The following NHSL1 variants were observed in gnomAD, a reference collection of about 807,000 sequenced individuals.
The protein encoded by NHSL1 is NHS-like protein 1.
Under a neutral mutation model 95.0 loss-of-function variants are expected in NHSL1, and 48 were observed. That is an observed-to-expected ratio of 0.51 (90% CI 0.40 to 0.64). The LOEUF is 0.64. NHSL1 is among the 30% of genes least tolerant of loss of function. NHSL1 has a pLI of 0.00. For missense variants in NHSL1, 1,971 were observed against 2,077.7 expected (o/e 0.95, Z 1.00); for synonymous variants, 783 against 833.9 (o/e 0.94, Z 1.05).
chr6:138,472,554 T>C (rs1310452669), intron 3 of NHSL1, among the ~76,000 whole-genome samples: 2 of 152,242 alleles, frequency 1.3e-5, no homozygotes, highest in African/African-American at 4.8e-5. Context: ...TTTTAATTAA[T>C]TAAAAATGGT....
At position 138,495,926 on chromosome 6, in the gene NHSL1, T is replaced by A. The variant is rs570303866; in HGVS notation, c.211+293A>T. ...AAACCATCAGATTTCATGAGACTCA[T>A]TCACTATCATGAGAACAGTATGGGG... On this transcript the variant is annotated intron_variant, in intron 2 of 7. Coordinates refer to ENST00000343505, the MANE Select transcript of NHSL1 (RefSeq NM_001144060.2). Among the ~76,000 whole-genome samples, 295 of 152,198 alleles carry A rather than the reference T, an allele frequency of 1.9e-3. 2 individuals carry two copies. The highest frequency in any genetic ancestry group is 6.8e-3 in the African/African-American group (284 of 41,518).
chr6:138,549,243 C>T (rs1167802881), upstream of NHSL1, among the ~76,000 whole-genome samples: 2 of 152,126 alleles, frequency 1.3e-5, no homozygotes, highest in Non-Finnish European at 2.9e-5. Flanking sequence ...ATTAGCCAGG[C>T]GTAGTGGCGC....
At chr6:138,514,986 T>TAA (rs879673413) in intron 1 of NHSL1, among the ~76,000 whole-genome samples, 3 of 144,500 alleles carry the variant, frequency 2.1e-5, no homozygotes, top group African/African-American at 7.6e-5. Flanking sequence ...GACGTAAGAT[T>TAA]AAAAAAAAAA....
At chr6:138,569,216 A>G (rs1783729154) in intron 1 of NHSL1, among the ~76,000 whole-genome samples, 1 of 151,918 alleles carries the variant, frequency 6.6e-6, no homozygotes, top group Non-Finnish European at 1.5e-5. Context: ...CCCTACATCT[A>G]GCTGTCACTG....
At chr6:138,516,714 A>C (rs898614500) in intron 1 of NHSL1, among the ~76,000 whole-genome samples, 1 of 152,080 alleles carries the variant, frequency 6.6e-6, no homozygotes, top group Non-Finnish European at 1.5e-5. Context: ...GGCTCATTGC[A>C]ACCCCTACCT....
At chr6:138,533,908 C>G (rs1023594757) in intron 1 of NHSL1, among the ~76,000 whole-genome samples, 4 of 152,140 alleles carry the variant, frequency 2.6e-5, no homozygotes, top group Admixed American at 2.0e-4. Context: ...CCAGTCACCA[C>G]GAAGCTGAGA....
intron 1 of NHSL1, among the ~76,000 whole-genome samples, chr6:138,680,348 T>G (rs911341873): frequency 2.0e-5 from 3 of 152,126 alleles, no homozygotes; most frequent in African/African-American, 7.2e-5. Flanking sequence ...CGCAGTCAGG[T>G]TGTTAAAACC....
upstream of NHSL1, among the ~76,000 whole-genome samples, chr6:138,576,238 C>T (rs1401625513): frequency 2.6e-5 from 4 of 152,096 alleles, no homozygotes; most frequent in African/African-American, 7.2e-5. Context: ...GTGATCTGCC[C>T]GCCTCAGCCT....
chr6:138,517,316 T>C (rs1281866630), intron 1 of NHSL1, among the ~76,000 whole-genome samples: 1 of 152,228 alleles, frequency 6.6e-6, no homozygotes, highest in Admixed American at 6.5e-5. Context: ...CAGACTGATT[T>C]TTTTCTACAA....
intron 1 of NHSL1, among the ~76,000 whole-genome samples, chr6:138,687,468 AG>A (rs1785601119): frequency 6.6e-6 from 1 of 152,216 alleles, no homozygotes. Context: ...AATACTCCTC[AG>A]AACTATGAGC....
rs562543520 is a variant in NHSL1, at chr6:138,452,586, T to C, written c.340-5393A>G. 8.5e-4 allele frequency among the ~76,000 whole-genome samples: 130 copies of C among 152,358 alleles called. 2 individuals carry two copies. The South Asian group carries it at 0.011, about 13-fold the overall frequency. On this transcript the variant is annotated intron_variant, in intron 3 of 7. Transcript: ENST00000343505. ...AACATATCAACTATACAGAACTATA[T>C]AGTTGATGTCTTTAAGAAGACAGCC... is the stretch of plus-strand genomic sequence containing the variant.
intron 1 of NHSL1, among the ~76,000 whole-genome samples, chr6:138,508,125 T>C (rs557575732): frequency 6.6e-6 from 1 of 152,310 alleles, no homozygotes; most frequent in East Asian, 1.9e-4. Context: ...AATATTCATG[T>C]GACAAATGTT....
rs1212870839 is a variant in NHSL1, at chr6:138,432,028, T to C, written c.2317A>G (p.Lys773Glu). ...TPSQSDTSSVKSEYTDPWGYY... is the reference protein window; with the variant it reads ...TPSQSDTSSVESEYTDPWGYY... ...CCCCAGGGGTCCGTGTACTCTGACTTGACGCTGCTTGTGTCACTCTGCGAT... is the reference window on the plus strand; with the variant it reads ...CCCCAGGGGTCCGTGTACTCTGACTCGACGCTGCTTGTGTCACTCTGCGAT... The change falls in exon 6 of 8, where the codon AAG becomes GAG. Residue 773 changes from lysine (K) to glutamate (E), a missense_variant. Transcript: ENST00000343505. This position sits in a 1 kb window ranked among gnomAD's most constrained non-coding sequence, Gnocchi z 4.4. The C allele has an allele frequency of 6.4e-7, 1 of 1,551,630 alleles. No homozygotes were observed. The highest frequency in any genetic ancestry group is 8.7e-7 in the Non-Finnish European group (1 of 1,147,008).
chr6:138,431,936 G>C lies in NHSL1; in HGVS notation c.2409C>G (p.Ser803Arg). 1 of 1,551,728 alleles carries C rather than the reference G, an allele frequency of 6.4e-7. No homozygotes were observed. Among genetic ancestry groups the C allele is most frequent in the Admixed American group, 2.0e-5 (1 of 51,014 alleles). Residue 803 changes from serine (S) to arginine (R), a missense_variant, in exon 6 of 8, where the codon AGC (serine) becomes AGG (arginine). Ser to Arg is a moderately radical substitution (Grantham distance 110). Coordinates refer to ENST00000343505, the MANE Select transcript of NHSL1 (RefSeq NM_001144060.2). The surrounding 1 kb of genome is among the most constrained non-coding windows in gnomAD (Gnocchi z 4.0). ...PGNPAGGCSTSSGVPTGNGPV... is the reference protein window; with the variant it reads ...PGNPAGGCSTRSGVPTGNGPV... The stretch of plus-strand genomic sequence containing the variant: ...GCCCGTTCCCAGTGGGCACCCCACT[G>C]CTGGTTGAACAGCCCCCTGCCGGGT...
chr6:138,687,822 T>TGGGAG lies in NHSL1; in HGVS notation c.96+4649_96+4653dup, dbSNP rs1453179706. On this transcript the variant is annotated intron_variant, in intron 1 of 3. Transcript: ENST00000491526. The stretch of plus-strand genomic sequence containing the variant: ...AAGTAGATCAGTGGTTGCCTAGGAA[T>TGGGAG]GGGAGGGTTGACAGGAAATGGGGAA... Among the ~76,000 whole-genome samples the TGGGAG allele has an allele frequency of 5.0e-4, 76 of 151,816 alleles. 1 individual carries two copies. Among genetic ancestry groups the TGGGAG allele is most frequent in the African/African-American group, 1.8e-3 (74 of 41,258 alleles).
In NHSL1 at chr6:138,423,988, C is replaced by T. The variant is rs1009998678; in HGVS notation, c.*93G>A. On this transcript the variant is annotated 3_prime_UTR_variant, in exon 8 of 8. Transcript: ENST00000343505. ...CAGCACAGAAGCAGAGTGGGCTCCC[C>T]GGGTGAGCCAGGGAAGGGCGCCTAG... 2 of 1,236,742 alleles carry T rather than the reference C, an allele frequency of 1.6e-6. No homozygotes were observed. The highest frequency in any genetic ancestry group is 2.0e-6 in the Non-Finnish European group (2 of 976,718). 76.6% of individuals were successfully genotyped at this position (1,236,742 alleles called of 1,614,324 possible).
At chr6:138,605,302 G>A (rs181069580) in intron 1 of NHSL1, among the ~76,000 whole-genome samples, 37 of 152,166 alleles carry the variant, frequency 2.4e-4, no homozygotes, top group Admixed American at 2.0e-3. Flanking sequence ...CACAGCTCAC[G>A]ACAGCCTCAA....
intron 1 of NHSL1, among the ~76,000 whole-genome samples, chr6:138,592,860 C>T (rs1188044564): frequency 6.6e-6 from 1 of 152,116 alleles, no homozygotes; most frequent in East Asian, 1.9e-4. Context: ...CAATAATTAA[C>T]CTTTCTCCAA....
chr6:138,691,885 C>T (rs1785677142), intron 1 of NHSL1: 1 of 456,524 alleles, frequency 2.2e-6, no homozygotes, highest in African/African-American at 2.0e-5. Flanking sequence ...GCTGGTGGGT[C>T]AGTCTGGGAG....
Sources: allele counts gnomAD v4.1 joint callset (sites outside exome capture counted in the v4.1 genomes callset), GRCh38; gene constraint gnomAD v4.1.1; non-coding constraint Gnocchi (gnomAD v3.1); transcripts MANE v1.5; gene names NCBI Gene and HGNC (gene_info 2026-07-23, HGNC 2026-07-21).